The following WDR44 variants were observed in gnomAD, a reference collection of about 807,000 sequenced individuals.
WDR44 encodes the protein WD repeat domain 44, also known as WD repeat-containing protein 44.
WDR44 carries 9 observed loss-of-function variants against 65.7 expected under a neutral mutation model. That is an observed-to-expected ratio of 0.14 (90% CI 0.08 to 0.24). WDR44 has a LOEUF of 0.24. WDR44 is among the 10% of genes least tolerant of loss of function. The probability of loss-of-function intolerance (pLI) is 1.00; values close to 1 mark genes in which losing one functional copy is unlikely to be tolerated. For synonymous variants in WDR44, 220 were observed against 235.2 expected, an observed-to-expected ratio of 0.94 and a Z score of 0.59; for missense variants, 425 against 670.9, an observed-to-expected ratio of 0.63 and a Z score of 4.05.
At chrX:118,445,083 C>G (rs962910203) in intron 19 of WDR44, 6 of 296,451 alleles carry the variant, frequency 2.0e-5, no homozygotes, top group East Asian at 1.1e-4. Flanking sequence ...ATCACGAGGT[C>G]AGGAGATCGA....
chrX:118,348,298 T>C (rs1034907864), intron 1 of WDR44, among the ~76,000 whole-genome samples: 1 of 112,188 alleles, frequency 8.9e-6, no homozygotes, highest in African/African-American at 3.2e-5. Context: ...TTGGGAGATA[T>C]ATAGAACTTG....
chrX:118,404,892 G>T (rs981048971), intron 9 of WDR44, among the ~76,000 whole-genome samples: 4 of 110,408 alleles, frequency 3.6e-5, no homozygotes, highest in African/African-American at 9.9e-5. Flanking sequence ...AGTAGAGACG[G>T]GGTTTCACTG....
chrX:118,354,139 G>T (rs2056438498), intron 1 of WDR44, among the ~76,000 whole-genome samples: 1 of 111,533 alleles, frequency 9.0e-6, no homozygotes, highest in Non-Finnish European at 1.9e-5. Context: ...GGATTGGCCA[G>T]GTACAGAAGC....
chrX:118,393,743 A>G (rs1461548128), intron 4 of WDR44, among the ~76,000 whole-genome samples: 1 of 112,317 alleles, frequency 8.9e-6, no homozygotes, highest in African/African-American at 3.2e-5. Context: ...AAATGTAAAA[A>G]TGTTTACATT....
chrX:118,439,989 G>T (rs944362434), intron 14 of WDR44, among the ~76,000 whole-genome samples: 1 of 107,108 alleles, frequency 9.3e-6, no homozygotes, highest in African/African-American at 3.4e-5. Context: ...GTATGGTGGT[G>T]TGCTTCTGTG....
chrX:118,372,812 G>A (rs767194112), intron 1 of WDR44, among the ~76,000 whole-genome samples: 89 of 112,302 alleles, frequency 7.9e-4, no homozygotes, highest in African/African-American at 2.7e-3. Context: ...TTATAGGCTG[G>A]GTGCGGTGGC....
chrX:118,441,750 T>A (rs5956999), intron 15 of WDR44, among the ~76,000 whole-genome samples, 191 bp downstream of exon 15: 47,350 of 109,673 alleles, frequency 0.43, 10,631 homozygotes, highest in African/African-American at 0.85. Flanking sequence ...TTAAAAAAAA[T>A]TTTTTTTTGA....
intron 19 of WDR44, among the ~76,000 whole-genome samples, chrX:118,446,332 G>A (rs1008337562): frequency 1.8e-5 from 2 of 110,672 alleles, no homozygotes; most frequent in East Asian, 5.7e-4. Context: ...TGTAATCCCG[G>A]GTATTTGGGA....
intron 1 of WDR44, among the ~76,000 whole-genome samples, chrX:118,371,738 A>G (rs889673428): frequency 9.0e-6 from 1 of 111,397 alleles, no homozygotes; most frequent in African/African-American, 3.2e-5. Context: ...AGAAAAAATG[A>G]ACTTTTGAAG....
At chrX:118,355,518 T>G (rs1353122994) in intron 1 of WDR44, among the ~76,000 whole-genome samples, 1 of 112,300 alleles carries the variant, frequency 8.9e-6, no homozygotes, top group Non-Finnish European at 1.9e-5. Flanking sequence ...GTCTGTATTT[T>G]GCAATGGGTA....
intron 6 of WDR44, 104 bp downstream of exon 6, chrX:118,395,448 A>G: frequency 1.6e-6 from 1 of 634,157 alleles, no homozygotes; most frequent in South Asian, 3.1e-5. Flanking sequence ...TGGTTGCATG[A>G]CAATGTGAAT....
At position 118,378,398 on chromosome X, in the gene WDR44, CT is replaced by C; in HGVS notation, c.78-19del. The C allele has an allele frequency of 8.3e-7, 1 of 1,202,122 alleles. No homozygotes were observed. On this transcript the variant is annotated intron_variant, in intron 1 of 19. Transcript: ENST00000254029. The stretch of plus-strand genomic sequence containing the variant: ...TCTCATCTCCTCTATTCAACACCTC[CT>C]TACTTTTATTTCTGAACAGGTCTCC...
chrX:118,442,846 T>C (rs1247713863), intron 17 of WDR44, among the ~76,000 whole-genome samples, 166 bp downstream of exon 17: 1 of 112,104 alleles, frequency 8.9e-6, no homozygotes, highest in African/African-American at 3.2e-5. Context: ...GTATATAGAA[T>C]TCGAATTGAC....
At chrX:118,419,120 G>T (rs1251159389) in intron 12 of WDR44, among the ~76,000 whole-genome samples, 1 of 111,330 alleles carries the variant, frequency 9.0e-6, no homozygotes, top group Non-Finnish European at 1.9e-5. Context: ...TCCCAGCTGT[G>T]AAAGAAAAAG....
intron 1 of WDR44, among the ~76,000 whole-genome samples, chrX:118,372,442 T>C (rs968649746): frequency 1.8e-5 from 2 of 111,873 alleles, no homozygotes; most frequent in Non-Finnish European, 3.8e-5. Context: ...TAGAGACTTA[T>C]TTACAGAGAA....
At chrX:118,359,357 G>A (rs1232126776) in intron 1 of WDR44, among the ~76,000 whole-genome samples, 1 of 112,089 alleles carries the variant, frequency 8.9e-6, no homozygotes, top group Non-Finnish European at 1.9e-5. Flanking sequence ...TTTTACTGCA[G>A]GTATTTATTG....
At chrX:118,436,327 A>G (rs770931993) in intron 13 of WDR44, among the ~76,000 whole-genome samples, 12 of 112,372 alleles carry the variant, frequency 1.1e-4, no homozygotes, top group African/African-American at 3.5e-4. Flanking sequence ...TCAATGTGAA[A>G]ATAACTGAAG....
intron 1 of WDR44, among the ~76,000 whole-genome samples, chrX:118,362,060 T>C (rs2056516916): frequency 8.9e-6 from 1 of 111,994 alleles, no homozygotes; most frequent in African/African-American, 3.2e-5. Flanking sequence ...AGGTTCTTAA[T>C]ACATACTTGC....
At chrX:118,423,955 A>G (rs1196618998) in intron 12 of WDR44, among the ~76,000 whole-genome samples, 1 of 111,425 alleles carries the variant, frequency 9.0e-6, no homozygotes, top group Non-Finnish European at 1.9e-5. Flanking sequence ...ACTGAATAGT[A>G]TTCTGTTGTG....
Sources: gnomAD v4.1 joint callset for allele counts (sites outside exome capture counted in the v4.1 genomes callset) on GRCh38, gnomAD v4.1.1 for gene constraint, MANE v1.5 for transcripts, NCBI Gene and HGNC (gene_info 2026-07-23, HGNC 2026-07-21) for gene names.